Variants in TPD52 observed in about 807,000 individuals in gnomAD.
TPD52 encodes the protein prostate and colon associated protein.
TPD52 carries 17 observed loss-of-function variants against 31.3 expected under a neutral mutation model. The ratio of observed to expected loss-of-function variants is 0.54; its 90% CI spans 0.37 to 0.82. The LOEUF (loss-of-function observed/expected upper bound fraction) is 0.82. Ranked by LOEUF, TPD52 falls within the 40% of genes least tolerant of loss-of-function variation. The probability of loss-of-function intolerance (pLI) is 0.00; values close to 1 mark genes in which losing one functional copy is unlikely to be tolerated. For missense variants in TPD52, 212 were observed against 240.1 expected (o/e 0.88, Z 0.77); for synonymous variants, 83 against 89.6 (o/e 0.93, Z 0.42).
intron 1 of TPD52, among the ~76,000 whole-genome samples, chr8:80,083,029 T>C (rs915578762): frequency 1.3e-5 from 2 of 152,080 alleles, no homozygotes; most frequent in African/African-American, 4.8e-5. Flanking sequence ...AAGTGAAATC[T>C]AGAAGTGGGA....
At chr8:80,133,624 C>T (rs1809182549) in intron 1 of TPD52, among the ~76,000 whole-genome samples, 2 of 152,274 alleles carry the variant, frequency 1.3e-5, no homozygotes, top group East Asian at 1.9e-4. Flanking sequence ...TTTCCTTTGG[C>T]TCCATTTCTT....
At chr8:80,051,190 A>T (rs1443484315) in intron 4 of TPD52, 1 of 343,910 alleles carries the variant, frequency 2.9e-6, no homozygotes, top group Non-Finnish European at 5.4e-6. Context: ...TCCTGTAGTC[A>T]TCCTTAGTAA....
At chr8:80,094,437 T>TATATATATATAC (rs1816543824) in intron 1 of TPD52, among the ~76,000 whole-genome samples, 2 of 15,326 alleles carry the variant, frequency 1.3e-4, no homozygotes, top group South Asian at 3.2e-3. Flanking sequence ...ATTTTATATA[T>TATATATATATAC]ATATATATAT....
intron 7 of TPD52, among the ~76,000 whole-genome samples, chr8:80,040,185 C>CTTTTTT (rs34611433): frequency 1.3e-4 from 12 of 95,686 alleles, no homozygotes; most frequent in African/African-American, 3.4e-4. Context: ...ATACGCTATC[C>CTTTTTT]TTTTTTTTTT....
intron 3 of TPD52, 59 bp downstream of exon 3, chr8:80,053,223 A>T: frequency 1.3e-6 from 2 of 1,540,852 alleles, no homozygotes; most frequent in South Asian, 2.6e-5. Context: ...CTCTCCAGAC[A>T]AAAGGCACAA....
chr8:80,068,062 G>T (rs1271976880), intron 1 of TPD52, among the ~76,000 whole-genome samples: 16 of 149,864 alleles, frequency 1.1e-4, no homozygotes, highest in African/African-American at 2.7e-4. Flanking sequence ...TTTTAATGTT[G>T]TTTTTTTTTT....
intron 1 of TPD52, among the ~76,000 whole-genome samples, chr8:80,077,646 C>T (rs1046562193): frequency 6.6e-6 from 1 of 152,208 alleles, no homozygotes; most frequent in Non-Finnish European, 1.5e-5. Flanking sequence ...CTTAGCCTAA[C>T]TAAACTTTGT....
intron 2 of TPD52, among the ~76,000 whole-genome samples, chr8:80,054,205 C>A (rs139171764): frequency 6.6e-6 from 1 of 152,006 alleles, no homozygotes; most frequent in Non-Finnish European, 1.5e-5. Flanking sequence ...GATGACATTG[C>A]AAGTAGAAGC....
chr8:80,086,918 A>G (rs549436142), intron 1 of TPD52, among the ~76,000 whole-genome samples: 12 of 145,018 alleles, frequency 8.3e-5, no homozygotes, highest in African/African-American at 3.0e-4. Context: ...AATCAAATTT[A>G]CTGACGTTGA....
intron 1 of TPD52, among the ~76,000 whole-genome samples, chr8:80,129,708 T>C (rs1249853030): frequency 6.7e-6 from 1 of 150,038 alleles, no homozygotes; most frequent in Non-Finnish European, 1.5e-5. Flanking sequence ...CATTTCTTTT[T>C]TTTTTTTTTT....
intron 2 of TPD52, among the ~76,000 whole-genome samples, chr8:80,057,236 G>T (rs148023596): frequency 1.0e-3 from 153 of 152,256 alleles, no homozygotes; most frequent in African/African-American, 3.6e-3. Context: ...ATTGCTTACA[G>T]CGGCATTATT....
intron 1 of TPD52, among the ~76,000 whole-genome samples, chr8:80,138,542 CAT>C (rs1249090798): frequency 6.6e-6 from 1 of 152,254 alleles, no homozygotes; most frequent in Non-Finnish European, 1.5e-5. Context: ...GAGTTGAAAA[CAT>C]AGTCCTCATA....
At chr8:80,061,257 G>A (rs755029611) in intron 2 of TPD52, among the ~76,000 whole-genome samples, 52 of 151,958 alleles carry the variant, frequency 3.4e-4, no homozygotes, top group Non-Finnish European at 5.9e-4. Context: ...CCAGCTACTC[G>A]GGAGGCTGAG....
At chr8:80,129,052 T>C (rs1808835017) in intron 1 of TPD52, among the ~76,000 whole-genome samples, 4 of 152,152 alleles carry the variant, frequency 2.6e-5, no homozygotes, top group South Asian at 4.1e-4. Context: ...TTGATTGACA[T>C]AGTCATTCAC....
Position 80,037,111 on chromosome 8 carries a change from A to G in TPD52, c.*1005T>C, listed in dbSNP as rs1809961639. ...TTTATTAATGCATTACATCCTCAAG[A>G]GTTATCACCAACCCCTCAGTATAAA... On this transcript the variant is annotated 3_prime_UTR_variant, in exon 8 of 8. Coordinates refer to ENST00000518937, the MANE Select transcript of TPD52 (RefSeq NM_001025253.3). 6.6e-6 allele frequency: 1 copy of G among 152,604 alleles called. No homozygotes were observed. The highest frequency in any genetic ancestry group is 1.5e-5 in the Non-Finnish European group (1 of 68,004). 9.5% of individuals were successfully genotyped at this position (152,604 alleles called of 1,614,324 possible).
Position 80,166,088 on chromosome 8 carries a change from C to T in TPD52, c.19+5337G>A, listed in dbSNP as rs186106855. On this transcript the variant is annotated intron_variant, in intron 1 of 7. Coordinates refer to ENST00000518937, the MANE Select transcript of TPD52 (RefSeq NM_001025253.3). The stretch of plus-strand genomic sequence containing the variant: ...ATCTCAGCACTTTGGGAGGCTGAGG[C>T]GGGAGGATCACTTGAGGCCAGGAGT... Among the ~76,000 whole-genome samples the T allele has an allele frequency of 7.9e-3, 1,204 of 152,160 alleles. 5 individuals carry two copies. Among genetic ancestry groups the T allele is most frequent in the Admixed American group, 0.013 (196 of 15,292 alleles).
In TPD52 at chr8:80,154,735, ACACACACACAC is replaced by A. The variant is rs1457796296; in HGVS notation, c.19+16679_19+16689del. On this transcript the variant is annotated intron_variant, in intron 1 of 7. Transcript: ENST00000518937. ...CACACACACACACACACACACACAC[ACACACACACAC>A]ACACACAAAACACCTACATTAGCTT... Among the ~76,000 whole-genome samples, 28 of 141,624 alleles carry A rather than the reference ACACACACACAC, an allele frequency of 2.0e-4. 1 individual carries two copies. The highest frequency in any genetic ancestry group is 3.0e-4 in the Non-Finnish European group (20 of 66,590). 92.9% of individuals were successfully genotyped at this position (141,624 alleles called of 152,430 possible).
At chr8:80,099,512 T>TC (rs1806575902) in intron 1 of TPD52, among the ~76,000 whole-genome samples, 1 of 130,418 alleles carries the variant, frequency 7.7e-6, no homozygotes, top group African/African-American at 3.2e-5. Flanking sequence ...CTAACATCTT[T>TC]TTTTTTTTTT....
At chr8:80,111,523 T>C (rs1437816186) in intron 1 of TPD52, among the ~76,000 whole-genome samples, 1 of 152,248 alleles carries the variant, frequency 6.6e-6, no homozygotes, top group Non-Finnish European at 1.5e-5. Context: ...GTGACTATGT[T>C]AGAATGGGAA....
Sources: gnomAD v4.1 joint callset for allele counts (sites outside exome capture counted in the v4.1 genomes callset) on GRCh38, gnomAD v4.1.1 for gene constraint, MANE v1.5 for transcripts, NCBI Gene and HGNC (gene_info 2026-07-23, HGNC 2026-07-21) for gene names.